Variants in TLL1 observed in about 807,000 individuals in gnomAD.
TLL1 encodes the protein tolloid like 1.
TLL1 carries 49 observed loss-of-function variants against 128.2 expected under a neutral mutation model. That is an observed-to-expected ratio of 0.38 (90% CI 0.30 to 0.48). The LOEUF (loss-of-function observed/expected upper bound fraction) is 0.48, where lower values mean the gene tolerates loss of function less well. Among genes scored for constraint, TLL1 ranks in the 20% least tolerant of loss-of-function variants. The pLI is 0.96. For missense variants in TLL1, 1,123 were observed against 1,242.0 expected, an observed-to-expected ratio of 0.90 and a Z score of 1.44; for synonymous variants, 454 against 418.8, an observed-to-expected ratio of 1.08 and a Z score of -1.03.
Position 166,059,796 on chromosome 4 carries a change from A to G in TLL1, c.1847-232A>G, listed in dbSNP as rs181415012. On this transcript the variant is annotated intron_variant, in intron 14 of 20. Coordinates refer to ENST00000061240, the MANE Select transcript of TLL1 (RefSeq NM_012464.5). ...CTTTAAAGTTACTAAAATTTAGTAC[A>G]GCCATAATATTCTCGGCTACTAAGC... Among the ~76,000 whole-genome samples the G allele has an allele frequency of 4.3e-3, 654 of 152,220 alleles. 10 individuals carry two copies. The highest frequency in any genetic ancestry group is 0.015 in the African/African-American group (615 of 41,554).
In TLL1 at chr4:165,974,133, C is replaced by CTTTTTTTTTTTTT. The variant is rs199741025; in HGVS notation, c.170-15235_170-15223dup. Among the ~76,000 whole-genome samples the CTTTTTTTTTTTTT allele has an allele frequency of 2.3e-4, 14 of 60,750 alleles. 3 individuals carry two copies. The highest frequency in any genetic ancestry group is 4.4e-4 in the East Asian group (1 of 2,252). The allele number at this position is 60,750 out of a possible 152,430, so 39.9% of individuals were successfully genotyped here. A position where few individuals can be genotyped will look rare whatever the true frequency, so the allele number is the denominator to read the frequency against. ...CTTAGGATTAAGTCCTGGACCTCAT[C>CTTTTTTTTTTTTT]TTTTTTTTTTTTTTTTTTTTTTTTT... On this transcript the variant is annotated intron_variant, in intron 1 of 20. Transcript: ENST00000061240.
intron 10 of TLL1, among the ~76,000 whole-genome samples, chr4:166,041,207 A>T (rs1030455239): frequency 4.6e-5 from 7 of 152,168 alleles, no homozygotes; most frequent in Non-Finnish European, 1.0e-4. Flanking sequence ...AAAAGATACC[A>T]AGAGTAGCCT....
intron 12 of TLL1, among the ~76,000 whole-genome samples, chr4:166,049,066 A>G (rs1739592940): frequency 6.6e-6 from 1 of 152,158 alleles, no homozygotes; most frequent in African/African-American, 2.4e-5. Flanking sequence ...TTAGTTAAGG[A>G]TTTTCTGCTT....
At chr4:166,007,133 A>G (rs556690387) in intron 6 of TLL1, among the ~76,000 whole-genome samples, 1 of 151,826 alleles carries the variant, frequency 6.6e-6, no homozygotes, top group Non-Finnish European at 1.5e-5. Flanking sequence ...GTGAAAACTG[A>G]GTCACCAAAG....
At chr4:166,073,282 C>T (rs553705550) in intron 16 of TLL1, among the ~76,000 whole-genome samples, 80 of 152,056 alleles carry the variant, frequency 5.3e-4, no homozygotes, top group Non-Finnish European at 9.3e-4. Context: ...TAGGAAGTAT[C>T]GTTTACTGTC....
chr4:166,088,328 C>T lies in TLL1; in HGVS notation c.2443-2800C>T, dbSNP rs1741614642. On this transcript the variant is annotated intron_variant, in intron 18 of 20. Coordinates refer to ENST00000061240, the MANE Select transcript of TLL1 (RefSeq NM_012464.5). Reference sequence around the variant, plus strand: ...TAGAATAAAGTGATAAATGGCATATCACACCTTGTCATCATGAACTCTGAA... The same window carrying T: ...TAGAATAAAGTGATAAATGGCATATTACACCTTGTCATCATGAACTCTGAA... Among the ~76,000 whole-genome samples the T allele has an allele frequency of 2.0e-5, 3 of 152,112 alleles. No individual in the cohort carries two copies. The South Asian group carries it at 6.2e-4, about 32-fold the overall frequency.
chr4:165,909,204 A>G (rs1471138072), intron 1 of TLL1, among the ~76,000 whole-genome samples: 1 of 152,162 alleles, frequency 6.6e-6, no homozygotes, highest in Non-Finnish European at 1.5e-5. Flanking sequence ...AAGAAAAAAG[A>G]AAAGAACGGC....
At chr4:165,999,765 T>A (rs1176037847) in intron 5 of TLL1, among the ~76,000 whole-genome samples, 1 of 152,006 alleles carries the variant, frequency 6.6e-6, no homozygotes, top group East Asian at 1.9e-4. Flanking sequence ...TGAGCCACCA[T>A]GCTCAGCCCT....
chr4:165,974,131 A>ATTTTTT (rs1735759298), intron 1 of TLL1, among the ~76,000 whole-genome samples: 14 of 53,858 alleles, frequency 2.6e-4, no homozygotes, highest in Non-Finnish European at 4.2e-4. Flanking sequence ...CCTGGACCTC[A>ATTTTTT]TCTTTTTTTT....
In TLL1 at chr4:165,950,244, T is replaced by A. The variant is rs367715671; in HGVS notation, c.170-39137T>A. Among the ~76,000 whole-genome samples, 20 of 152,268 alleles carry A rather than the reference T, an allele frequency of 1.3e-4. 1 individual carries two copies. The highest frequency in any genetic ancestry group is 5.2e-4 in the Admixed American group (8 of 15,278). On this transcript the variant is annotated intron_variant, in intron 1 of 20. Coordinates refer to ENST00000061240, the MANE Select transcript of TLL1 (RefSeq NM_012464.5). ...TATTTATATAGGTTTTTTTGTTTGT[T>A]GTTTTATTTATTTTTACCACAAATT... is the stretch of plus-strand genomic sequence containing the variant.
intron 1 of TLL1, among the ~76,000 whole-genome samples, chr4:165,974,644 C>T (rs949600312): frequency 3.9e-5 from 6 of 152,188 alleles, no homozygotes; most frequent in African/African-American, 1.4e-4. Flanking sequence ...CCCTGTATTG[C>T]ACAAACTCTG....
intron 1 of TLL1, among the ~76,000 whole-genome samples, chr4:165,902,093 C>G (rs934834201): frequency 6.6e-6 from 1 of 152,084 alleles, no homozygotes; most frequent in East Asian, 1.9e-4. Context: ...TGCCCCTCCC[C>G]CCACGAAGCT....
intron 8 of TLL1, among the ~76,000 whole-genome samples, chr4:166,018,235 C>T (rs1579629882): frequency 6.6e-6 from 1 of 152,080 alleles, no homozygotes; most frequent in Non-Finnish European, 1.5e-5. Flanking sequence ...GGATACTTGG[C>T]TAACCATGTG....
In TLL1 at chr4:166,055,161, G is replaced by C. The variant is rs1286031560; in HGVS notation, c.1610G>C (p.Cys537Ser). The change falls in exon 13 of 21, where the codon TGT (cysteine) becomes TCT (serine). Residue 537 changes from cysteine (C) to serine (S), a missense_variant. Coordinates refer to ENST00000061240, the MANE Select transcript of TLL1 (RefSeq NM_012464.5). ...AATAGCCCTTTGATAGGGCGTTTCT[G>C]TGGTTATGACAAACCTGAAGACATA... ...SENSPLIGRFCGYDKPEDIRS... is the reference protein window; with the variant it reads ...SENSPLIGRFSGYDKPEDIRS... 2.5e-6 allele frequency: 4 copies of C among 1,613,416 alleles called. No individual in the cohort carries two copies. The highest frequency in any genetic ancestry group is 3.4e-6 in the Non-Finnish European group (4 of 1,179,712).
chr4:165,921,631 A>G (rs17047077), intron 1 of TLL1, among the ~76,000 whole-genome samples: 3,229 of 152,216 alleles, frequency 0.021, 124 homozygotes, highest in African/African-American at 0.073. Flanking sequence ...GGCATTTTTG[A>G]CACCCTTCCC....
intron 1 of TLL1, among the ~76,000 whole-genome samples, chr4:165,907,770 A>T (rs1732335817): frequency 6.6e-6 from 1 of 151,886 alleles, no homozygotes; most frequent in Non-Finnish European, 1.5e-5. Flanking sequence ...CCAGTCTCGA[A>T]CTCCTGACCT....
chr4:166,024,356 G>T (rs1738390688), intron 8 of TLL1, among the ~76,000 whole-genome samples: 1 of 152,098 alleles, frequency 6.6e-6, no homozygotes, highest in South Asian at 2.1e-4. Flanking sequence ...TCACCTGCTG[G>T]TAGCTAAGGC....
chr4:165,981,889 G>A (rs985286124), intron 1 of TLL1, among the ~76,000 whole-genome samples: 1 of 151,960 alleles, frequency 6.6e-6, no homozygotes, highest in Non-Finnish European at 1.5e-5. Flanking sequence ...CTGCAAACCC[G>A]AAAAGAAAAG....
At position 165,880,017 on chromosome 4, in the gene TLL1, G is replaced by A. The variant is rs752611273; in HGVS notation, c.169+5944G>A. The stretch of plus-strand genomic sequence containing the variant: ...AGAATGATTTAGCAATATGGCTTTC[G>A]TGGTTTTTGTCTTTAATTATCTATT... On this transcript the variant is annotated intron_variant, in intron 1 of 20. Transcript: ENST00000061240. Among the ~76,000 whole-genome samples, 6 of 152,242 alleles carry A rather than the reference G, an allele frequency of 3.9e-5. 1 individual carries two copies. Among genetic ancestry groups the A allele is most frequent in the African/African-American group, 1.2e-4 (5 of 41,548 alleles).
Sources: gnomAD v4.1 joint callset for allele counts (sites outside exome capture counted in the v4.1 genomes callset) on GRCh38, gnomAD v4.1.1 for gene constraint, MANE v1.5 for transcripts, NCBI Gene and HGNC (gene_info 2026-07-23, HGNC 2026-07-21) for gene names.